SCP2: variants seen among roughly 807,000 people sequenced by gnomAD.
The protein encoded by SCP2 is sterol carrier protein 2, also known as SCP-2/3-oxoacyl-CoA thiolase.
In SCP2, 48 loss-of-function variants were observed where a neutral mutation model predicts 71.4. That is an observed-to-expected ratio of 0.67 (90% CI 0.53 to 0.86). The LOEUF (loss-of-function observed/expected upper bound fraction) is 0.86. Among genes scored for constraint, SCP2 ranks in the 40% least tolerant of loss-of-function variants. The probability of loss-of-function intolerance (pLI) is 0.00; values close to 1 mark genes in which losing one functional copy is unlikely to be tolerated. For synonymous variants in SCP2, 220 were observed against 218.1 expected, an observed-to-expected ratio of 1.01 and a Z score of -0.08; for missense variants, 560 against 655.6, an observed-to-expected ratio of 0.85 and a Z score of 1.59.
At chr1:52,930,687 AT>A (rs1361299264) in intron 1 of SCP2, among the ~76,000 whole-genome samples, 1 of 152,148 alleles carries the variant, frequency 6.6e-6, no homozygotes, top group East Asian at 1.9e-4. Flanking sequence ...ATAAGTTCAA[AT>A]TTCAGTTTGA....
chr1:52,979,900 C>A (rs1228467855), intron 9 of SCP2, among the ~76,000 whole-genome samples: 1 of 151,532 alleles, frequency 6.6e-6, no homozygotes, highest in African/African-American at 2.4e-5. Flanking sequence ...CCCTCCCTCC[C>A]TCCCTTCCTT....
intron 11 of SCP2, chr1:52,994,363 C>A: frequency 1.2e-6 from 1 of 851,740 alleles, no homozygotes; most frequent in Non-Finnish European, 1.4e-6. Flanking sequence ...TTTAGTTGTT[C>A]TTGTTGACAT....
At chr1:52,966,420 A>G (rs1006149328) in intron 6 of SCP2, among the ~76,000 whole-genome samples, 3 of 152,092 alleles carry the variant, frequency 2.0e-5, no homozygotes, top group Admixed American at 6.6e-5. Flanking sequence ...CCTAACAGTA[A>G]ACCAAGTTTG....
At chr1:52,953,557 ACTGGTCTTGAACTC>A (rs1655510578) in intron 4 of SCP2, among the ~76,000 whole-genome samples, 1 of 151,924 alleles carries the variant, frequency 6.6e-6, no homozygotes, top group Admixed American at 6.6e-5. Flanking sequence ...TGTTGCCCAG[ACTGGTCTTGAACTC>A]CTGGTCTCAA....
At chr1:52,957,027 A>C (rs1655875385) in intron 5 of SCP2, among the ~76,000 whole-genome samples, 3 of 149,806 alleles carry the variant, frequency 2.0e-5, no homozygotes, top group African/African-American at 4.9e-5. Context: ...CTCCTGCCTC[A>C]GCCTCCCGAG....
chr1:52,987,420 G>A (rs1659099376), intron 10 of SCP2, among the ~76,000 whole-genome samples: 1 of 152,174 alleles, frequency 6.6e-6, no homozygotes, highest in Non-Finnish European at 1.5e-5. Context: ...AGATGTGGAA[G>A]ACAATTTTAT....
At chr1:53,038,261 C>T (rs576728829) in intron 13 of SCP2, among the ~76,000 whole-genome samples, 14,810 of 151,384 alleles carry the variant, frequency 0.098, 1,424 homozygotes, top group African/African-American at 0.21. Flanking sequence ...TGTACACACA[C>T]ACACACGGAG....
chr1:53,032,398 A>G (rs761227566), intron 13 of SCP2, among the ~76,000 whole-genome samples: 49 of 152,362 alleles, frequency 3.2e-4, no homozygotes, highest in Non-Finnish European at 6.6e-4. Flanking sequence ...AGGGCCATCA[A>G]AATATCTGGT....
chr1:53,006,387 G>A (rs1214560039), intron 11 of SCP2, among the ~76,000 whole-genome samples: 1 of 152,070 alleles, frequency 6.6e-6, no homozygotes, highest in African/African-American at 2.4e-5. Flanking sequence ...GAGAAAGGTC[G>A]GGTTACCCAC....
intron 12 of SCP2, among the ~76,000 whole-genome samples, chr1:53,023,460 G>A (rs7555050): frequency 0.067 from 10,208 of 152,232 alleles, 664 homozygotes; most frequent in Admixed American, 0.19. Flanking sequence ...GAAGGAATTA[G>A]GAGTTAGGCA....
intron 13 of SCP2, among the ~76,000 whole-genome samples, chr1:53,028,471 G>GTA (rs1341374726): frequency 3.4e-5 from 5 of 148,628 alleles, no homozygotes; most frequent in Non-Finnish European, 5.9e-5. Flanking sequence ...AGCCTTTTTT[G>GTA]TATATATATC....
chr1:52,973,783 C>T (rs925920777), intron 6 of SCP2, among the ~76,000 whole-genome samples: 1 of 152,084 alleles, frequency 6.6e-6, no homozygotes, highest in African/African-American at 2.4e-5. Flanking sequence ...TGTAGTTTTA[C>T]TAGAGACAGA....
chr1:52,941,063 C>A (rs1654191123), intron 1 of SCP2, among the ~76,000 whole-genome samples: 1 of 152,246 alleles, frequency 6.6e-6, no homozygotes, highest in Non-Finnish European at 1.5e-5. Context: ...TTAACACTTT[C>A]CACTTTATGT....
rs193109398 is a variant in SCP2 at position 52,991,051 on chromosome 1, G to A, written c.1081+2915G>A. 4.4e-4 allele frequency among the ~76,000 whole-genome samples: 67 copies of A among 152,298 alleles called. No individual in the cohort carries two copies. In the East Asian group the frequency reaches 0.011, roughly 26 times the overall value. The stretch of plus-strand genomic sequence containing the variant: ...TAGAAATAGTGGCTATGAATGGAAA[G>A]TGATATATATGTAAGGGATGTACCT... On this transcript the variant is annotated intron_variant, in intron 11 of 15. Transcript: ENST00000371514.
At chr1:52,987,592 T>A (rs969363174) in intron 10 of SCP2, among the ~76,000 whole-genome samples, 1 of 152,224 alleles carries the variant, frequency 6.6e-6, no homozygotes. Flanking sequence ...CTTCATTTTA[T>A]GAAAGTGCCT....
At chr1:52,982,376 C>G (rs1658598896) in intron 10 of SCP2, among the ~76,000 whole-genome samples, 1 of 152,144 alleles carries the variant, frequency 6.6e-6, no homozygotes, top group South Asian at 2.1e-4. Flanking sequence ...CGAGACCATC[C>G]TGGCTAACAC....
intron 1 of SCP2, among the ~76,000 whole-genome samples, chr1:52,935,766 C>T (rs12072322): frequency 0.017 from 2,571 of 151,282 alleles, 45 homozygotes; most frequent in African/African-American, 0.058. Flanking sequence ...GGCAAGACCC[C>T]GTCTCTACAA....
At chr1:53,036,638 CAG>C (rs1156918351) in intron 13 of SCP2, among the ~76,000 whole-genome samples, 1 of 149,270 alleles carries the variant, frequency 6.7e-6, no homozygotes, top group Middle Eastern at 3.2e-3. Flanking sequence ...TATAATTAAA[CAG>C]ATCCCATTTA....
At chr1:53,037,917 CACACACACACACAG>C in intron 13 of SCP2, among the ~76,000 whole-genome samples, 1 of 117,382 alleles carries the variant, frequency 8.5e-6, no homozygotes, top group South Asian at 3.0e-4. Flanking sequence ...CACACACACA[CACACACACACACAG>C]ATCCAGATCC....
Sources: gnomAD v4.1 joint callset for allele counts (sites outside exome capture counted in the v4.1 genomes callset) on GRCh38, gnomAD v4.1.1 for gene constraint, MANE v1.5 for transcripts, NCBI Gene and HGNC (gene_info 2026-07-23, HGNC 2026-07-21) for gene names.